Variants in ICA1 observed in about 807,000 individuals in gnomAD.
ICA1 encodes the protein islet cell autoantigen 1, also known as 69 kDa islet cell autoantigen.
A neutral mutation model predicts 71.0 loss-of-function variants in ICA1; 40 were observed. That is an observed-to-expected ratio of 0.56 (90% CI 0.44 to 0.73). The LOEUF (loss-of-function observed/expected upper bound fraction) is 0.73, where lower values mean the gene tolerates loss of function less well. ICA1 is among the 30% of genes least tolerant of loss of function. The probability of loss-of-function intolerance (pLI) is 0.00; values close to 1 mark genes in which losing one functional copy is unlikely to be tolerated. For synonymous variants in ICA1, 207 were observed against 209.5 expected (o/e 0.99, Z 0.10); for missense variants, 578 against 576.5 (o/e 1.00, Z -0.03).
rs1783962206 is a variant in ICA1 at position 8,114,015 on chromosome 7, C to G, written c.1360G>C (p.Ala454Pro). Residue 454 changes from alanine to proline, a missense_variant, in exon 14 of 14, where the codon GCC becomes CCC. By Grantham distance (27) the Ala-to-Pro change is conservative. Transcript: ENST00000402384. ...EPAKAASDLT[A>P]WFSLFADLDP... The stretch of plus-strand genomic sequence containing the variant: ...AGGTCAGCGAAGAGGCTGAACCAGG[C>G]AGTCAGGTCTGAGGCAGCCTTAGCA... 6.2e-7 allele frequency: 1 copy of G among 1,614,108 alleles called. No homozygotes were observed.
intron 4 of ICA1, among the ~76,000 whole-genome samples, chr7:8,224,923 GA>G (rs1456877602): frequency 2.0e-5 from 3 of 152,202 alleles, no homozygotes; most frequent in African/African-American, 7.2e-5. Flanking sequence ...ACACAATGGT[GA>G]AGTGTCTTTC....
chr7:8,175,265 G>T (rs1339419111), intron 6 of ICA1, among the ~76,000 whole-genome samples: 1 of 152,040 alleles, frequency 6.6e-6, no homozygotes, highest in African/African-American at 2.4e-5. Context: ...GGAAAAAGAG[G>T]GAAGAATCTG....
chr7:8,218,507 G>A lies in ICA1; in HGVS notation c.381-4C>T, dbSNP rs369849796. 2 of 1,613,480 alleles carry A rather than the reference G, an allele frequency of 1.2e-6. No individual in the cohort carries two copies. The highest frequency in any genetic ancestry group is 2.7e-5 in the African/African-American group (2 of 74,888). On this transcript the variant is annotated splice_polypyrimidine_tract_variant and splice_region_variant and intron_variant, in intron 5 of 13. Transcript: ENST00000402384. Reference sequence around the variant, plus strand: ...CAAAGGATTTCGTAAGGCCAACCTAGACAAGAGGACAAAGCCACACTCTCA... The same window carrying A: ...CAAAGGATTTCGTAAGGCCAACCTAAACAAGAGGACAAAGCCACACTCTCA...
chr7:8,139,576 T>A (rs1222081843), intron 10 of ICA1, among the ~76,000 whole-genome samples: 2 of 152,216 alleles, frequency 1.3e-5, no homozygotes, highest in Non-Finnish European at 1.5e-5. Context: ...AACTGTTTTG[T>A]AAGGTCCTAT....
chr7:8,228,777 AC>A, intron 3 of ICA1, 104 bp from the exon 4 acceptor site: 1 of 663,964 alleles, frequency 1.5e-6, no homozygotes. Flanking sequence ...CAAAAACAAG[AC>A]CACATGTCTA....
At position 8,185,222 on chromosome 7, in the gene ICA1, A is replaced by G. The variant is rs185247599; in HGVS notation, c.580-26570T>C. On this transcript the variant is annotated intron_variant, in intron 6 of 13. Coordinates refer to ENST00000402384, the MANE Select transcript of ICA1 (RefSeq NM_001136020.3). ...AGATGGCTGTGAAAAATAAAAGTAA[A>G]TTTTAATCCTGACCTTGTAAGAATT... 7.7e-4 allele frequency among the ~76,000 whole-genome samples: 118 copies of G among 152,356 alleles called. 1 individual carries two copies. The highest frequency in any genetic ancestry group is 2.6e-4 in the Admixed American group (4 of 15,306).
rs2128468933 is a variant in ICA1, at chr7:8,234,986, A to T, written c.17+924T>A. On this transcript the variant is annotated intron_variant, in intron 2 of 13. Transcript: ENST00000402384. This position sits in a 1 kb window ranked among gnomAD's most constrained non-coding sequence, Gnocchi z 4.5. The stretch of plus-strand genomic sequence containing the variant: ...CGAGACCATCCTGGCCAACATGGTG[A>T]AACCCCGTCTGTACTAAAAATACAA... Among the ~76,000 whole-genome samples the T allele has an allele frequency of 6.6e-6, 1 of 152,190 alleles. No individual in the cohort carries two copies. The highest frequency in any genetic ancestry group is 1.9e-4 in the East Asian group (1 of 5,172).
chr7:8,231,697 C>G lies in ICA1; in HGVS notation c.183+893G>C, dbSNP rs530965160. Among the ~76,000 whole-genome samples, 14 of 152,274 alleles carry G rather than the reference C, an allele frequency of 9.2e-5. No individual in the cohort carries two copies. In the East Asian group the frequency reaches 2.5e-3, roughly 27 times the overall value. On this transcript the variant is annotated intron_variant, in intron 3 of 13. Transcript: ENST00000402384. ...AGGCAGCCCAGTTCTCACGGGGCAG[C>G]CTTAACATTACAAAGTTCTTCCTGG...
At position 8,144,108 on chromosome 7, in the gene ICA1, A is replaced by G; in HGVS notation, c.805-136T>C. 1 of 618,818 alleles carries G rather than the reference A, an allele frequency of 1.6e-6. No individual in the cohort carries two copies. The highest frequency in any genetic ancestry group is 2.8e-6 in the Non-Finnish European group (1 of 353,192). 38.3% of individuals were successfully genotyped at this position (618,818 alleles called of 1,614,324 possible). ...AGCAACCAAACTTTGAATTACAGGTATTGGGAGGTGACCTTGAACCAATCA... is the reference window on the plus strand; with the variant it reads ...AGCAACCAAACTTTGAATTACAGGTGTTGGGAGGTGACCTTGAACCAATCA... On this transcript the variant is annotated intron_variant, in intron 8 of 13. Coordinates refer to ENST00000402384, the MANE Select transcript of ICA1 (RefSeq NM_001136020.3). This position sits in a 1 kb window ranked among gnomAD's most constrained non-coding sequence, Gnocchi z 4.5.
rs182030502 is a variant in ICA1 at position 8,113,794 on chromosome 7, G to T, written c.*129C>A. On this transcript the variant is annotated 3_prime_UTR_variant, in exon 14 of 14. Coordinates refer to ENST00000402384, the MANE Select transcript of ICA1 (RefSeq NM_001136020.3). The surrounding 1 kb of genome is among the most constrained non-coding windows in gnomAD (Gnocchi z 4.2). ...TAATTATACCAATATAAACAGGGCC[G>T]TTGACCCTTTCATTTTATTAAAATG... 4 of 979,992 alleles carry T rather than the reference G, an allele frequency of 4.1e-6. No homozygotes were observed. In the African/African-American group the frequency reaches 6.4e-5, roughly 16 times the overall value. 60.7% of individuals were successfully genotyped at this position (979,992 alleles called of 1,614,324 possible).
At position 8,144,207 on chromosome 7, in the gene ICA1, A is replaced by G. The variant is rs1286776356; in HGVS notation, c.805-235T>C. Among the ~76,000 whole-genome samples, 1 of 152,220 alleles carries G rather than the reference A, an allele frequency of 6.6e-6. No homozygotes were observed. Among genetic ancestry groups the G allele is most frequent in the Non-Finnish European group, 1.5e-5 (1 of 68,038 alleles). On this transcript the variant is annotated intron_variant, in intron 8 of 13. Coordinates refer to ENST00000402384, the MANE Select transcript of ICA1 (RefSeq NM_001136020.3). The surrounding 1 kb of genome is among the most constrained non-coding windows in gnomAD (Gnocchi z 4.5). Reference sequence around the variant, plus strand: ...ACATCCGAGAAATACTAGCATATATAGCAGAGCTGATTTGCCACAAGATTT... The same window carrying G: ...ACATCCGAGAAATACTAGCATATATGGCAGAGCTGATTTGCCACAAGATTT...
chr7:8,172,451 A>G (rs1250377953), intron 6 of ICA1, among the ~76,000 whole-genome samples: 3 of 152,144 alleles, frequency 2.0e-5, no homozygotes, highest in African/African-American at 4.8e-5. Flanking sequence ...TTTGTTTTGA[A>G]TAAATCTGTT....
Position 8,128,156 on chromosome 7 carries a change from C to G in ICA1, c.1061-14G>C. On this transcript the variant is annotated splice_polypyrimidine_tract_variant and intron_variant, in intron 12 of 13. Coordinates refer to ENST00000402384, the MANE Select transcript of ICA1 (RefSeq NM_001136020.3). ...GTCCCAGGCAAGCTGATTGAAGTAA[C>G]AGAGAACAAAACGTCACCACGGAGG... is the stretch of plus-strand genomic sequence containing the variant. The G allele has an allele frequency of 6.2e-7, 1 of 1,612,006 alleles. No homozygotes were observed.
intron 1 of ICA1, among the ~76,000 whole-genome samples, chr7:8,237,815 GACAGAC>G (rs1374620062): frequency 6.6e-4 from 89 of 135,326 alleles, no homozygotes; most frequent in African/African-American, 2.8e-3. Flanking sequence ...CAATGTTGAA[GACAGAC>G]ACACACACAC....
chr7:8,167,071 C>G (rs994667949), intron 6 of ICA1, among the ~76,000 whole-genome samples: 94 of 152,232 alleles, frequency 6.2e-4, no homozygotes, highest in African/African-American at 2.2e-3. Context: ...TTGGTGAGTT[C>G]TCAAAGAACT....
intron 13 of ICA1, among the ~76,000 whole-genome samples, chr7:8,126,445 T>C (rs1204353721): frequency 6.6e-6 from 1 of 152,118 alleles, no homozygotes; most frequent in African/African-American, 2.4e-5. Flanking sequence ...ATTTCATTTA[T>C]CCCTGCTATC....
intron 6 of ICA1, among the ~76,000 whole-genome samples, chr7:8,174,775 A>AAAAAAACCAAAG (rs1554310942): frequency 1.3e-4 from 15 of 111,398 alleles, no homozygotes; most frequent in East Asian, 1.1e-3. Flanking sequence ...AAAAAAAAAA[A>AAAAAAACCAAAG]AAAACAGAGA....
chr7:8,156,807 G>A (rs1801681290), intron 8 of ICA1: 3 of 1,472,116 alleles, frequency 2.0e-6, no homozygotes, highest in East Asian at 2.5e-5. Flanking sequence ...AAAGGAGCAG[G>A]ACCAATCATT....
chr7:8,250,876 A>G (rs1016724675), intron 1 of ICA1, among the ~76,000 whole-genome samples: 2 of 152,178 alleles, frequency 1.3e-5, no homozygotes, highest in African/African-American at 2.4e-5. Context: ...TTAATGAACT[A>G]AAGTCTTAGG....
Sources: gnomAD v4.1 joint callset for allele counts (sites outside exome capture counted in the v4.1 genomes callset) on GRCh38, gnomAD v4.1.1 for gene constraint, Gnocchi (gnomAD v3.1) non-coding constraint, MANE v1.5 for transcripts, NCBI Gene and HGNC (gene_info 2026-07-23, HGNC 2026-07-21) for gene names.